Variants in METTL24 observed in about 807,000 individuals in gnomAD.
The protein encoded by METTL24 is methyltransferase like 24.
Under a neutral mutation model 32.7 loss-of-function variants are expected in METTL24, and 29 were observed. That is an observed-to-expected ratio of 0.89 (90% CI 0.66 to 1.21). METTL24 has a LOEUF of 1.21. METTL24 is among the 50% of genes most tolerant of loss of function. METTL24 has a pLI of 0.00. For synonymous variants in METTL24, 163 were observed against 179.5 expected (o/e 0.91, Z 0.73); for missense variants, 439 against 468.1 (o/e 0.94, Z 0.57).
At chr6:110,248,512 G>A (rs979909908) in intron 4 of METTL24, among the ~76,000 whole-genome samples, 3 of 152,208 alleles carry the variant, frequency 2.0e-5, no homozygotes, top group African/African-American at 7.2e-5. Context: ...AAACCAGTTT[G>A]TCCGTTCAAT....
chr6:110,310,741 T>C (rs1222943539), intron 3 of METTL24, among the ~76,000 whole-genome samples: 4 of 152,156 alleles, frequency 2.6e-5, no homozygotes, highest in Non-Finnish European at 5.9e-5. Context: ...TCCTAGTAAA[T>C]AAACTTCAGC....
chr6:110,304,762 A>G (rs1451244961), intron 3 of METTL24, among the ~76,000 whole-genome samples: 1 of 152,246 alleles, frequency 6.6e-6, no homozygotes, highest in Non-Finnish European at 1.5e-5. Flanking sequence ...AACTTCCCCA[A>G]CATAGCAAGA....
intron 1 of METTL24, among the ~76,000 whole-genome samples, chr6:110,331,097 A>T (rs558221154): frequency 2.6e-5 from 4 of 152,342 alleles, no homozygotes; most frequent in African/African-American, 9.6e-5. Flanking sequence ...GCCAAATGGA[A>T]ATTCCAGAAC....
At chr6:110,278,398 G>A (rs1190853178) in intron 4 of METTL24, among the ~76,000 whole-genome samples, 5 of 152,208 alleles carry the variant, frequency 3.3e-5, no homozygotes, top group African/African-American at 1.2e-4. Context: ...GGATGAGACT[G>A]AAAGCGATGG....
chr6:110,338,103 TG>T (rs1772276407), intron 1 of METTL24, among the ~76,000 whole-genome samples: 2 of 152,212 alleles, frequency 1.3e-5, no homozygotes, highest in African/African-American at 4.8e-5. Flanking sequence ...TTAATGACTT[TG>T]GAAGAAAGCA....
Position 110,285,209 on chromosome 6 carries a change from A to G in METTL24, c.786+13713T>C, listed in dbSNP as rs1046401778. On this transcript the variant is annotated intron_variant, in intron 4 of 4. Coordinates refer to ENST00000338882, the MANE Select transcript of METTL24 (RefSeq NM_001123364.3). ...AATTCCTTCTAATAGTGTGCTGTGAACCCATCATGGTGATTTTAAAGAGAA... is the reference window on the plus strand; with the variant it reads ...AATTCCTTCTAATAGTGTGCTGTGAGCCCATCATGGTGATTTTAAAGAGAA... 2.6e-5 allele frequency among the ~76,000 whole-genome samples: 4 copies of G among 152,336 alleles called. No homozygotes were observed. The East Asian group carries it at 5.8e-4, about 22-fold the overall frequency.
At chr6:110,264,190 C>T (rs978652841) in intron 4 of METTL24, among the ~76,000 whole-genome samples, 13 of 151,782 alleles carry the variant, frequency 8.6e-5, no homozygotes, top group African/African-American at 2.9e-4. Flanking sequence ...AGGCAACCCA[C>T]AGAATGGGAG....
intron 4 of METTL24, among the ~76,000 whole-genome samples, chr6:110,285,405 C>T (rs1771203293): frequency 6.6e-6 from 1 of 152,064 alleles, no homozygotes; most frequent in Non-Finnish European, 1.5e-5. Flanking sequence ...TCAGGTTTTA[C>T]CTCCGAATGA....
chr6:110,252,164 C>T (rs565433295), intron 4 of METTL24, among the ~76,000 whole-genome samples: 1 of 152,222 alleles, frequency 6.6e-6, no homozygotes, highest in South Asian at 2.1e-4. Context: ...ACAAAAAAAA[C>T]CTGCTGCATT....
In METTL24 at chr6:110,298,911, A is replaced by G. The variant is rs1323123905; in HGVS notation, c.786+11T>C. 6.2e-7 allele frequency: 1 copy of G among 1,612,166 alleles called. No homozygotes were observed. Among genetic ancestry groups the G allele is most frequent in the Non-Finnish European group, 8.5e-7 (1 of 1,178,422 alleles). ...CTTTATTCAAGTATAAAATCAAATG[A>G]AAAACCTCACCTTGTGATGTCCAAA... On this transcript the variant is annotated intron_variant, in intron 4 of 4. Transcript: ENST00000338882.
intron 1 of METTL24, among the ~76,000 whole-genome samples, chr6:110,351,208 A>AT (rs1425770988): frequency 1.3e-5 from 2 of 152,228 alleles, no homozygotes; most frequent in East Asian, 3.8e-4. Context: ...CTCTAAAAAA[A>AT]TAAACAAATA....
chr6:110,315,478 C>A lies in METTL24; in HGVS notation c.421G>T (p.Ala141Ser). The A allele has an allele frequency of 6.2e-7, 1 of 1,613,754 alleles. No homozygotes were observed. The highest frequency in any genetic ancestry group is 8.5e-7 in the Non-Finnish European group (1 of 1,179,882). The part of the protein sequence containing the change: ...FLRYISTTQI[A>S]CNHMNTDSLA... ...CTGTCTGTATTCATGTGATTGCATG[C>A]AATCTGTAAAGATTGGAAATCAATG... The change falls in exon 3 of 5, where the codon GCA (alanine) becomes TCA (serine). Residue 141 changes from alanine (A) to serine (S), a missense_variant. Physicochemically the swap from Ala to Ser is moderately conservative, Grantham distance 99. Transcript: ENST00000338882.
chr6:110,276,533 A>G (rs918034256), intron 4 of METTL24, among the ~76,000 whole-genome samples: 8 of 152,210 alleles, frequency 5.3e-5, no homozygotes, highest in Admixed American at 3.9e-4. Context: ...TATCTTTTTC[A>G]AAGATTAGCT....
At chr6:110,344,372 C>T (rs1167380940) in intron 1 of METTL24, among the ~76,000 whole-genome samples, 1 of 152,146 alleles carries the variant, frequency 6.6e-6, no homozygotes, top group Non-Finnish European at 1.5e-5. Context: ...GCAACAGTCA[C>T]AGCTAAGGGG....
chr6:110,295,111 C>T (rs1771390193), intron 4 of METTL24, among the ~76,000 whole-genome samples: 4 of 149,858 alleles, frequency 2.7e-5, no homozygotes, highest in South Asian at 2.1e-4. Context: ...CAGCCTCCAC[C>T]TCCTGGACTC....
chr6:110,328,271 G>C (rs1772050286), intron 1 of METTL24, among the ~76,000 whole-genome samples: 1 of 152,200 alleles, frequency 6.6e-6, no homozygotes, highest in East Asian at 1.9e-4. Context: ...CCTCCTTTCA[G>C]TTTTGCAAAG....
At chr6:110,275,171 C>T (rs760226196) in intron 4 of METTL24, among the ~76,000 whole-genome samples, 69 of 151,964 alleles carry the variant, frequency 4.5e-4, no homozygotes, top group Non-Finnish European at 9.1e-4. Context: ...CCACCTTCCA[C>T]AATGTTTCCA....
At chr6:110,334,622 C>T (rs966429001) in intron 1 of METTL24, among the ~76,000 whole-genome samples, 20 of 152,198 alleles carry the variant, frequency 1.3e-4, no homozygotes, top group Non-Finnish European at 7.3e-5. Context: ...AGAGCAAAGC[C>T]ACACACCATT....
At chr6:110,292,106 A>G (rs140147762) in intron 4 of METTL24, among the ~76,000 whole-genome samples, 45 of 152,334 alleles carry the variant, frequency 3.0e-4, no homozygotes, top group African/African-American at 9.4e-4. Flanking sequence ...TGTCCATGAA[A>G]AGATATACAA....
Sources: gnomAD v4.1 joint callset for allele counts (sites outside exome capture counted in the v4.1 genomes callset) on GRCh38, gnomAD v4.1.1 for gene constraint, MANE v1.5 for transcripts, NCBI Gene and HGNC (gene_info 2026-07-23, HGNC 2026-07-21) for gene names.